The following TMEM130 variants were observed in gnomAD, a reference collection of about 807,000 sequenced individuals.
The protein encoded by TMEM130 is transmembrane protein 130.
Under a neutral mutation model 42.9 loss-of-function variants are expected in TMEM130, and 37 were observed. The observed-to-expected ratio is 0.86, with a 90% CI of 0.66 to 1.13. The LOEUF is 1.13. Ranked by LOEUF, TMEM130 falls within the 50% of genes most tolerant of loss-of-function variation. The pLI is 0.00. For synonymous variants in TMEM130, 259 were observed against 237.7 expected (o/e 1.09, Z -0.82); for missense variants, 545 against 562.6 (o/e 0.97, Z 0.32).
rs782716080 is a variant in TMEM130 at position 98,848,681 on chromosome 7, C to G, written c.1021G>C (p.Val341Leu). 96 of 1,613,236 alleles carry G rather than the reference C, an allele frequency of 6.0e-5. No homozygotes were observed. The highest frequency in any genetic ancestry group is 7.6e-5 in the Non-Finnish European group (90 of 1,179,258). The change falls in exon 7 of 8, where the codon GTC (valine) becomes CTC (leucine). Residue 341 changes from valine (V) to leucine (L), a missense_variant. Val to Leu is a conservative substitution (Grantham distance 32). Transcript: ENST00000339375. ...AGTGTAGCACATGGGAAAGCAAAGACAGCCGGCTGGATTCCTGGGAATGAA... is the reference window on the plus strand; with the variant it reads ...AGTGTAGCACATGGGAAAGCAAAGAGAGCCGGCTGGATTCCTGGGAATGAA... ...QVWPSRIQPA[V>L]FAFPCATLIT...
At chr7:98,861,986 C>T (rs1554399835) in intron 2 of TMEM130, among the ~76,000 whole-genome samples, 1 of 152,082 alleles carries the variant, frequency 6.6e-6, no homozygotes, top group East Asian at 1.9e-4. Context: ...TACCCATGGC[C>T]TTACAAACTC....
rs782103844 is a variant in TMEM130 at position 98,863,294 on chromosome 7, G to A, written c.192C>T (p.Pro64=). 21 of 1,613,344 alleles carry A rather than the reference G, an allele frequency of 1.3e-5. No homozygotes were observed. The African/African-American group carries it at 1.3e-4, about 10-fold the overall frequency. ...VAKDNGSLAL[P]ADAHLYRFHW... is the part of the protein sequence containing the mutation. ...GGAAGCGGTAGAGGTGGGCGTCAGC[G>A]GGCAGGGCCAGGCTGCCGTTGTCCT... The change falls in exon 2 of 8, where the codon CCC becomes CCT. Residue 64 remains proline, a synonymous_variant. Transcript: ENST00000339375.
chr7:98,869,385 G>T lies in TMEM130; in HGVS notation c.85+392C>A, dbSNP rs1794976943. 8.3e-7 allele frequency: 1 copy of T among 1,202,776 alleles called. No individual in the cohort carries two copies. The highest frequency in any genetic ancestry group is 1.0e-6 in the Non-Finnish European group (1 of 955,002). 74.5% of individuals were successfully genotyped at this position (1,202,776 alleles called of 1,614,324 possible). On this transcript the variant is annotated intron_variant, in intron 1 of 7. Coordinates refer to ENST00000339375, the MANE Select transcript of TMEM130 (RefSeq NM_152913.3). The surrounding 1 kb of genome is among the most constrained non-coding windows in gnomAD (Gnocchi z 4.7). Reference sequence around the variant, plus strand: ...GTTGCCCATCCCGTGCTCCCTGGGGGACTGGGGAATTGTGGCGCGATGACG... The same window carrying T: ...GTTGCCCATCCCGTGCTCCCTGGGGTACTGGGGAATTGTGGCGCGATGACG...
chr7:98,850,288 T>TTTTTTTTTTTTTTTTTTTA (rs1554398034), intron 6 of TMEM130, among the ~76,000 whole-genome samples: 1 of 112,532 alleles, frequency 8.9e-6, no homozygotes, highest in African/African-American at 3.0e-5. Context: ...TTTTTTTTTT[T>TTTTTTTTTTTTTTTTTTTA]AATTTTTTGA....
Position 98,848,710 on chromosome 7 carries a change from A to C in TMEM130, c.1007-15T>G. On this transcript the variant is annotated splice_polypyrimidine_tract_variant and intron_variant, in intron 6 of 7. Coordinates refer to ENST00000339375, the MANE Select transcript of TMEM130 (RefSeq NM_152913.3). ...CGGCTGGATTCCTGGGAATGAAAGA[A>C]GTAACATTACAGGACTGGGTAGCTG... 6.4e-7 allele frequency: 1 copy of C among 1,558,364 alleles called. No individual in the cohort carries two copies. Among genetic ancestry groups the C allele is most frequent in the Non-Finnish European group, 8.9e-7 (1 of 1,129,264 alleles).
At position 98,856,026 on chromosome 7, in the gene TMEM130, T is replaced by C. The variant is rs1019647710; in HGVS notation, c.709A>G (p.Lys237Glu). 16 of 1,612,942 alleles carry C rather than the reference T, an allele frequency of 9.9e-6. No homozygotes were observed. The East Asian group carries it at 1.1e-4, about 11-fold the overall frequency. ...QKTGDFSASL[K>E]LQETLRGIQV... is the part of the protein sequence containing the mutation. ...CTGCCTGGACACCCACCCTGCAGCT[T>C]CAGCGAGGCGGAGAAGTCCCCGGTC... The change falls in exon 4 of 8, where the codon AAG (lysine) becomes GAG (glutamate). Residue 237 changes from lysine to glutamate, a missense_variant. By Grantham distance (56) the Lys-to-Glu change is moderately conservative. Coordinates refer to ENST00000339375, the MANE Select transcript of TMEM130 (RefSeq NM_152913.3).
Position 98,869,486 on chromosome 7 carries a change from A to G in TMEM130, c.85+291T>C, listed in dbSNP as rs1794981379. 2.5e-6 allele frequency: 2 copies of G among 798,082 alleles called. No homozygotes were observed. The highest frequency in any genetic ancestry group is 1.1e-4 in the South Asian group (2 of 17,612). 49.4% of individuals were successfully genotyped at this position (798,082 alleles called of 1,614,324 possible). On this transcript the variant is annotated intron_variant, in intron 1 of 7. Coordinates refer to ENST00000339375, the MANE Select transcript of TMEM130 (RefSeq NM_152913.3). This position sits in a 1 kb window ranked among gnomAD's most constrained non-coding sequence, Gnocchi z 4.7. ...GTGCATGGTCCCCAGGCATCGACGG[A>G]TGCGCCGGCCACCCCCGCGCGGTTT...
At chr7:98,862,059 T>A (rs1362131239) in intron 2 of TMEM130, among the ~76,000 whole-genome samples, 14 of 152,224 alleles carry the variant, frequency 9.2e-5, no homozygotes, top group African/African-American at 3.1e-4. Flanking sequence ...AATCTCCTCA[T>A]GGTTGCTCAC....
At chr7:98,848,792 C>G (rs943097185) in intron 6 of TMEM130, 97 bp from the exon 7 acceptor site, 36 of 864,528 alleles carry the variant, frequency 4.2e-5, no homozygotes, top group Non-Finnish European at 1.2e-5. Context: ...ATGGTCAAGC[C>G]CCACCAGTGA....
At chr7:98,868,134 C>T (rs1029745236) in intron 1 of TMEM130, among the ~76,000 whole-genome samples, 1 of 152,226 alleles carries the variant, frequency 6.6e-6, no homozygotes, top group Non-Finnish European at 1.5e-5. Context: ...GAGGCTGAGG[C>T]AGGAGAATTT....
chr7:98,851,643 G>A lies in TMEM130; in HGVS notation c.804-20C>T, dbSNP rs1794509169. 1 of 1,589,440 alleles carries A rather than the reference G, an allele frequency of 6.3e-7. No homozygotes were observed. Among genetic ancestry groups the A allele is most frequent in the Non-Finnish European group, 8.6e-7 (1 of 1,166,712 alleles). ...GGAGGGCTGCAGGGAAATGGGGGCGGTTTTTAAGAAAAGGCTCAGCAAAGC... is the reference window on the plus strand; with the variant it reads ...GGAGGGCTGCAGGGAAATGGGGGCGATTTTTAAGAAAAGGCTCAGCAAAGC... On this transcript the variant is annotated intron_variant, in intron 5 of 7. Coordinates refer to ENST00000339375, the MANE Select transcript of TMEM130 (RefSeq NM_152913.3).
chr7:98,869,911 G>T lies in TMEM130; in HGVS notation c.-50C>A. On this transcript the variant is annotated 5_prime_UTR_variant, in exon 1 of 8. It adds an upstream start codon to the 5' untranslated region. Transcript: ENST00000339375. This position sits in a 1 kb window ranked among gnomAD's most constrained non-coding sequence, Gnocchi z 4.7. The stretch of plus-strand genomic sequence containing the variant: ...GTGGGGCGGACGCGGAGGGAATGCA[G>T]CTGGAGCTCGAGAACTGCGGCGGTC... 2 of 1,247,518 alleles carry T rather than the reference G, an allele frequency of 1.6e-6. No homozygotes were observed. The highest frequency in any genetic ancestry group is 2.0e-6 in the Non-Finnish European group (2 of 979,336). The allele number at this position is 1,247,518 out of a possible 1,614,324, so 77.3% of individuals were successfully genotyped here.
In TMEM130 at chr7:98,847,504, CTGTGTGTG is replaced by C. The variant is rs148531068; in HGVS notation, c.*544_*551del. 0.043 allele frequency: 6,447 copies of C among 150,846 alleles called. 235 individuals carry two copies. Among genetic ancestry groups the C allele is most frequent in the East Asian group, 0.15 (738 of 5,068 alleles). The allele number at this position is 150,846 out of a possible 1,614,324, so 9.3% of individuals were successfully genotyped here. A position where few individuals can be genotyped will look rare whatever the true frequency, so the allele number is the denominator to read the frequency against. On this transcript the variant is annotated 3_prime_UTR_variant, in exon 8 of 8. Coordinates refer to ENST00000339375, the MANE Select transcript of TMEM130 (RefSeq NM_152913.3). ...CCATGTGACGCATGTGTTTATATTT[CTGTGTGTG>C]TGTGTGTGTGTGTGTGTGTGTGTGT...
intron 5 of TMEM130, among the ~76,000 whole-genome samples, chr7:98,852,145 T>A (rs1562905850): frequency 6.6e-6 from 1 of 151,992 alleles, no homozygotes; most frequent in Non-Finnish European, 1.5e-5. Context: ...AATTTTTTAT[T>A]AATTATTTAT....
intron 2 of TMEM130, 91 bp downstream of exon 2, chr7:98,863,004 A>G: frequency 7.2e-7 from 1 of 1,388,222 alleles, no homozygotes; most frequent in Non-Finnish European, 9.7e-7. Flanking sequence ...CTACGGGCCT[A>G]ATCTGCATTG....
chr7:98,860,993 G>A (rs1162571037), intron 2 of TMEM130, among the ~76,000 whole-genome samples: 2 of 143,976 alleles, frequency 1.4e-5, no homozygotes, highest in Non-Finnish European at 3.0e-5. Context: ...AGCTTTGAAA[G>A]GAACTTTTGA....
intron 2 of TMEM130, among the ~76,000 whole-genome samples, chr7:98,862,225 TGAGA>T (rs142185632): frequency 1.0e-4 from 15 of 146,836 alleles, no homozygotes; most frequent in East Asian, 6.0e-4. Context: ...TCTCTTGGAA[TGAGA>T]GAGAGAGAGA....
chr7:98,863,286 G>T lies in TMEM130; in HGVS notation c.200C>A (p.Ala67Asp), dbSNP rs1554400130. Residue 67 changes from alanine to aspartate, a missense_variant, in exon 2 of 8, where the codon GCC becomes GAC. Transcript: ENST00000339375. The stretch of plus-strand genomic sequence containing the variant: ...GATCCAGTGGAAGCGGTAGAGGTGG[G>T]CGTCAGCGGGCAGGGCCAGGCTGCC... ...DNGSLALPAD[A>D]HLYRFHWIHT... is the part of the protein sequence containing the mutation. 1.9e-6 allele frequency: 3 copies of T among 1,612,762 alleles called. No individual in the cohort carries two copies. The highest frequency in any genetic ancestry group is 2.5e-6 in the Non-Finnish European group (3 of 1,179,728).
chr7:98,869,855 G>T lies in TMEM130; in HGVS notation c.7C>A (p.Gln3Lys). The T allele has an allele frequency of 7.2e-7, 1 of 1,389,440 alleles. No homozygotes were observed. 86.1% of individuals were successfully genotyped at this position (1,389,440 alleles called of 1,614,324 possible). A position where few individuals can be genotyped will look rare whatever the true frequency, so the allele number is the denominator to read the frequency against. ...CGGCCGAGGCGCGACCACACTGCCTGGGCCATTGCGGGGCCCGGAGCGGGA... is the reference window on the plus strand; with the variant it reads ...CGGCCGAGGCGCGACCACACTGCCTTGGCCATTGCGGGGCCCGGAGCGGGA... MA[Q>K]AVWSRLGRIL... The change falls in exon 1 of 8, where the codon CAG (glutamine) becomes AAG (lysine). Residue 3 changes from glutamine (Q) to lysine (K), a missense_variant. Coordinates refer to ENST00000339375, the MANE Select transcript of TMEM130 (RefSeq NM_152913.3). The surrounding 1 kb of genome is among the most constrained non-coding windows in gnomAD (Gnocchi z 4.7).
Sources: allele counts gnomAD v4.1 joint callset (sites outside exome capture counted in the v4.1 genomes callset), GRCh38; gene constraint gnomAD v4.1.1; non-coding constraint Gnocchi (gnomAD v3.1); transcripts MANE v1.5; gene names NCBI Gene and HGNC (gene_info 2026-07-23, HGNC 2026-07-21).